The following PAPPA variants were observed in gnomAD, a reference collection of about 807,000 sequenced individuals.
The protein encoded by PAPPA is pappalysin 1.
Under a neutral mutation model 164.0 loss-of-function variants are expected in PAPPA, and 60 were observed. The observed-to-expected ratio is 0.37, with a 90% CI of 0.30 to 0.45. PAPPA has a LOEUF of 0.45. Among genes scored for constraint, PAPPA ranks in the 20% least tolerant of loss-of-function variants. PAPPA has a pLI of 1.00. For missense variants in PAPPA, 1,782 were observed against 2,087.3 expected (o/e 0.85, Z 2.85); for synonymous variants, 875 against 814.1 (o/e 1.07, Z -1.27).
At chr9:116,309,737 G>A (rs1351761555) in intron 10 of PAPPA, among the ~76,000 whole-genome samples, 1 of 152,064 alleles carries the variant, frequency 6.6e-6, no homozygotes, top group Non-Finnish European at 1.5e-5. Flanking sequence ...AGATGAGCTA[G>A]GAAACATGGT....
At chr9:116,168,674 A>G (rs1302995990) in intron 1 of PAPPA, among the ~76,000 whole-genome samples, 1 of 152,178 alleles carries the variant, frequency 6.6e-6, no homozygotes, top group Non-Finnish European at 1.5e-5. Context: ...ATCAAATGAG[A>G]ACAATCAACA....
intron 9 of PAPPA, among the ~76,000 whole-genome samples, chr9:116,282,702 C>A (rs1845282570): frequency 6.6e-6 from 1 of 152,178 alleles, no homozygotes; most frequent in Non-Finnish European, 1.5e-5. Context: ...TGCTACATCT[C>A]CATCATTAAG....
intron 1 of PAPPA, among the ~76,000 whole-genome samples, chr9:116,160,538 A>G (rs1843653914): frequency 6.6e-6 from 1 of 152,184 alleles, no homozygotes; most frequent in African/African-American, 2.4e-5. Flanking sequence ...TCACCTTGAG[A>G]TCCCTCTGAA....
intron 21 of PAPPA, among the ~76,000 whole-genome samples, chr9:116,383,459 A>G (rs751974292): frequency 1.2e-3 from 178 of 152,314 alleles, no homozygotes; most frequent in Non-Finnish European, 2.3e-3. Flanking sequence ...CTTGGCCCAA[A>G]CGCTTCATTT....
In PAPPA at chr9:116,188,069, G is replaced by A. The variant is rs140057758; in HGVS notation, c.1331G>A (p.Arg444His). 13 of 1,614,042 alleles carry A rather than the reference G, an allele frequency of 8.1e-6. No individual in the cohort carries two copies. The highest frequency in any genetic ancestry group is 2.7e-5 in the African/African-American group (2 of 74,940). Residue 444 changes from arginine to histidine, a missense_variant, in exon 2 of 22, where the codon CGC (arginine) becomes CAC (histidine). Arg to His is a conservative substitution (Grantham distance 29). This residue lies in a region of PAPPA where 1,324 missense variants were observed against 1,656.9 expected (regional missense o/e 0.80). Transcript: ENST00000328252. ...GHDGGDCRHLRHPAFVKKQHN... is the reference protein window; with the variant it reads ...GHDGGDCRHLHHPAFVKKQHN... ...GACGGCGGGGATTGCCGCCACCTGC[G>A]CCACCCTGCCTTCGTGAAGAAGCAG...
At chr9:116,369,452 C>A (rs1846544550) in intron 19 of PAPPA, among the ~76,000 whole-genome samples, 1 of 152,176 alleles carries the variant, frequency 6.6e-6, no homozygotes, top group Non-Finnish European at 1.5e-5. Context: ...GAACGACAAG[C>A]TGGACTTGTG....
chr9:116,280,943 G>A (rs984407327), intron 9 of PAPPA, among the ~76,000 whole-genome samples: 1 of 152,196 alleles, frequency 6.6e-6, no homozygotes, highest in Non-Finnish European at 1.5e-5. Context: ...TGAGTACACA[G>A]TTGGCCTGTC....
rs1846414504 is a variant in PAPPA, at chr9:116,360,648, ATTTTC to A, written c.4348-1941_4348-1937del. On this transcript the variant is annotated intron_variant, in intron 17 of 21. Transcript: ENST00000328252. ...TATTTCCTCATCTGTGTGTTCATTT[ATTTTC>A]TTATTTCTTAAAGAAATACATTCTA... Among the ~76,000 whole-genome samples the A allele has an allele frequency of 2.0e-5, 3 of 151,852 alleles. No individual in the cohort carries two copies. The South Asian group carries it at 6.2e-4, about 32-fold the overall frequency.
intron 10 of PAPPA, among the ~76,000 whole-genome samples, chr9:116,323,299 CCT>C (rs1265126583): frequency 2.6e-5 from 4 of 152,276 alleles, no homozygotes; most frequent in Non-Finnish European, 2.9e-5. Context: ...GCCACAGAGT[CCT>C]CTGTTTCTGC....
intron 21 of PAPPA, among the ~76,000 whole-genome samples, chr9:116,383,404 C>T (rs899434012): frequency 1.3e-5 from 2 of 152,180 alleles, no homozygotes; most frequent in African/African-American, 4.8e-5. Flanking sequence ...ACAGGAAAAG[C>T]AAAGAATCAT....
intron 7 of PAPPA, among the ~76,000 whole-genome samples, chr9:116,257,491 GA>G (rs1844942344): frequency 6.6e-6 from 1 of 151,922 alleles, no homozygotes; most frequent in South Asian, 2.1e-4. Flanking sequence ...ATGAGGTCAG[GA>G]GATCGAGACC....
intron 10 of PAPPA, among the ~76,000 whole-genome samples, chr9:116,312,648 TTTTG>T (rs1174304542): frequency 6.6e-6 from 1 of 152,144 alleles, no homozygotes; most frequent in Non-Finnish European, 1.5e-5. Context: ...GTTCATTTGT[TTTTG>T]TTTGTCTTTC....
At chr9:116,329,388 A>G (rs761122337) in intron 10 of PAPPA, among the ~76,000 whole-genome samples, 3 of 152,202 alleles carry the variant, frequency 2.0e-5, no homozygotes, top group Non-Finnish European at 2.9e-5. Context: ...GATGTAAACC[A>G]AAACCACCTA....
chr9:116,216,370 T>G (rs1394016320), intron 4 of PAPPA, among the ~76,000 whole-genome samples: 1 of 152,176 alleles, frequency 6.6e-6, no homozygotes, highest in African/African-American at 2.4e-5. Flanking sequence ...CAGTGTGCCC[T>G]TTCAGCCACA....
intron 10 of PAPPA, among the ~76,000 whole-genome samples, chr9:116,318,065 G>A (rs1321913564): frequency 6.6e-6 from 1 of 152,128 alleles, no homozygotes; most frequent in Non-Finnish European, 1.5e-5. Flanking sequence ...TGGGAAACTG[G>A]GTTTGTCATG....
chr9:116,213,313 G>T (rs1844331898), intron 4 of PAPPA, among the ~76,000 whole-genome samples: 1 of 152,162 alleles, frequency 6.6e-6, no homozygotes, highest in Non-Finnish European at 1.5e-5. Flanking sequence ...TTGGGCTGAT[G>T]ACCCCTGGGG....
chr9:116,276,702 T>C (rs1845203026), intron 9 of PAPPA, among the ~76,000 whole-genome samples: 1 of 152,112 alleles, frequency 6.6e-6, no homozygotes, highest in Admixed American at 6.5e-5. Flanking sequence ...TGTGTCTCTT[T>C]TTCTCCCTCC....
intron 6 of PAPPA, among the ~76,000 whole-genome samples, chr9:116,228,154 C>A (rs368445024): frequency 6.6e-6 from 1 of 152,200 alleles, no homozygotes; most frequent in African/African-American, 2.4e-5. Context: ...ACCAAGGAAC[C>A]AATGATCTCT....
intron 2 of PAPPA, among the ~76,000 whole-genome samples, chr9:116,205,020 T>C (rs1279271384): frequency 1.3e-5 from 2 of 151,612 alleles, no homozygotes; most frequent in Non-Finnish European, 2.9e-5. Context: ...TTAGTGGGAA[T>C]ACCTCGGGCA....
Sources: allele counts gnomAD v4.1 joint callset (sites outside exome capture counted in the v4.1 genomes callset), GRCh38; gene constraint gnomAD v4.1.1; regional missense constraint gnomAD v4.1.1; transcripts MANE v1.5; gene names NCBI Gene and HGNC (gene_info 2026-07-23, HGNC 2026-07-21).